Variants in TRPM3 observed in about 807,000 individuals in gnomAD.
TRPM3 encodes transient receptor potential cation channel subfamily M member 3.
TRPM3 carries 77 observed loss-of-function variants against 181.2 expected under a neutral mutation model. The ratio of observed to expected loss-of-function variants is 0.42; its 90% CI spans 0.35 to 0.51. TRPM3 has a LOEUF of 0.51. TRPM3 is among the 20% of genes least tolerant of loss of function. The pLI, the probability that TRPM3 is intolerant of heterozygous loss-of-function variation, is 0.01. For synonymous variants in TRPM3, 745 were observed against 796.4 expected (o/e 0.94, Z 1.09); for missense variants, 1,759 against 2,196.7 (o/e 0.80, Z 3.98).
At chr9:71,400,789 CT>C (rs553371851) in intron 1 of TRPM3, among the ~76,000 whole-genome samples, 1,387 of 132,776 alleles carry the variant, frequency 0.01, 13 homozygotes, top group African/African-American at 0.034. Context: ...TTTACTAGTT[CT>C]TTTTTTTTTT....
intron 9 of TRPM3, among the ~76,000 whole-genome samples, chr9:70,653,356 T>C (rs1278823826): frequency 6.6e-6 from 1 of 152,004 alleles, no homozygotes; most frequent in African/African-American, 2.4e-5. Context: ...GGATATGGCT[T>C]AAATGATGAG....
chr9:70,612,769 A>T (rs532416248), intron 18 of TRPM3, among the ~76,000 whole-genome samples: 1 of 152,352 alleles, frequency 6.6e-6, no homozygotes, highest in East Asian at 1.9e-4. Context: ...ACCTCAAGAA[A>T]CTGAGGTTAC....
At chr9:70,978,548 GCTT>G (rs1198549377) in intron 1 of TRPM3, among the ~76,000 whole-genome samples, 1 of 152,124 alleles carries the variant, frequency 6.6e-6, no homozygotes. Flanking sequence ...TGCTTTTAGT[GCTT>G]CAGAGATATC....
At chr9:70,559,115 C>A (rs150729030) in intron 22 of TRPM3, among the ~76,000 whole-genome samples, 254 of 152,266 alleles carry the variant, frequency 1.7e-3, no homozygotes, top group African/African-American at 5.8e-3. Flanking sequence ...CAATGACATC[C>A]CTTGCTGGAA....
At chr9:71,094,741 G>A (rs11142686) in intron 1 of TRPM3, among the ~76,000 whole-genome samples, 47,574 of 152,022 alleles carry the variant, frequency 0.31, 8,449 homozygotes, top group Middle Eastern at 0.41. Context: ...GCCTGGCACA[G>A]TGACTACTCT....
At position 71,143,605 on chromosome 9, in the gene TRPM3, T is replaced by C. The variant is rs540870851; in HGVS notation, c.184-279094A>G. Among the ~76,000 whole-genome samples the C allele has an allele frequency of 5.3e-5, 8 of 152,264 alleles. No individual in the cohort carries two copies. The East Asian group carries it at 1.5e-3, about 29-fold the overall frequency. On this transcript the variant is annotated intron_variant, in intron 1 of 24. Transcript: ENST00000357533. ...AGTCTATCATTGACAGGCATTTGGG[T>C]TGATTCTATGTGTTTGCTATTGTGA...
At chr9:70,947,476 T>G (rs955924809) in intron 1 of TRPM3, among the ~76,000 whole-genome samples, 3 of 151,946 alleles carry the variant, frequency 2.0e-5, no homozygotes, top group African/African-American at 7.2e-5. Flanking sequence ...TATTTTGTAT[T>G]CACTTTTTTT....
intron 1 of TRPM3, among the ~76,000 whole-genome samples, chr9:71,132,776 T>C (rs1039521661): frequency 6.6e-6 from 1 of 152,216 alleles, no homozygotes; most frequent in African/African-American, 2.4e-5. Context: ...TTAAAAATTA[T>C]ACTTCATATA....
chr9:70,806,732 AG>A (rs2090782190), intron 6 of TRPM3, among the ~76,000 whole-genome samples: 1 of 151,978 alleles, frequency 6.6e-6, no homozygotes, highest in African/African-American at 2.4e-5. Flanking sequence ...AAAAGAAAAA[AG>A]TTTTTATTCT....
rs767227776 is a variant in TRPM3 at position 70,619,032 on chromosome 9, G to A, written c.2193C>T (p.Ala731=). The change falls in exon 17 of 26, where the codon GCC becomes GCT. Residue 731 remains alanine (A), a synonymous_variant. Transcript: ENST00000677713. Reference sequence around the variant, plus strand: ...TCAGCTCATACGTCAGCAGTTTCATGGCCAGCTGTTCGTCCTGCTTGTAGG... The same window carrying A: ...TCAGCTCATACGTCAGCAGTTTCATAGCCAGCTGTTCGTCCTGCTTGTAGG... ...DQSYKQDEQL[A]MKLLTYELKN... is the part of the protein sequence containing the mutation. 2 of 1,614,182 alleles carry A rather than the reference G, an allele frequency of 1.2e-6. No individual in the cohort carries two copies. The highest frequency in any genetic ancestry group is 1.7e-6 in the Non-Finnish European group (2 of 1,180,030).
At chr9:71,040,286 T>C (rs1327559228) in intron 1 of TRPM3, among the ~76,000 whole-genome samples, 1 of 152,216 alleles carries the variant, frequency 6.6e-6, no homozygotes, top group Non-Finnish European at 1.5e-5. Context: ...TATTTCTCAA[T>C]ATTTTTAAAG....
intron 3 of TRPM3, among the ~76,000 whole-genome samples, chr9:70,850,294 T>C (rs1234531869): frequency 6.6e-6 from 1 of 152,092 alleles, no homozygotes; most frequent in South Asian, 2.1e-4. Context: ...ACAAGGAGCA[T>C]TCAGGCAGAA....
chr9:71,057,842 C>T (rs938444173), intron 1 of TRPM3, among the ~76,000 whole-genome samples: 7 of 151,984 alleles, frequency 4.6e-5, no homozygotes, highest in Non-Finnish European at 1.0e-4. Flanking sequence ...AAAATAGACT[C>T]AAATTTTTAC....
chr9:70,989,961 T>C (rs1308542786), intron 1 of TRPM3, among the ~76,000 whole-genome samples: 1 of 152,154 alleles, frequency 6.6e-6, no homozygotes, highest in Non-Finnish European at 1.5e-5. Context: ...GAGGGCACCT[T>C]ATGTGTGTTA....
intron 9 of TRPM3, among the ~76,000 whole-genome samples, chr9:70,655,861 A>G (rs1488131723): frequency 2.7e-5 from 3 of 110,830 alleles, no homozygotes; most frequent in Non-Finnish European, 6.6e-5. Context: ...AGTCTAAGGT[A>G]GGAAAAAAAG....
chr9:71,082,683 C>A (rs1054059536), intron 1 of TRPM3, among the ~76,000 whole-genome samples: 1 of 152,134 alleles, frequency 6.6e-6, no homozygotes, highest in African/African-American at 2.4e-5. Context: ...TTATCTCACA[C>A]AGCCTTATAT....
At chr9:71,210,774 A>G (rs981160930) in intron 1 of TRPM3, among the ~76,000 whole-genome samples, 1 of 152,216 alleles carries the variant, frequency 6.6e-6, no homozygotes, top group East Asian at 1.9e-4. Flanking sequence ...TCTGCTTCTT[A>G]CAATTCGGGA....
chr9:70,787,874 C>A (rs7350298), intron 6 of TRPM3, among the ~76,000 whole-genome samples: 36,805 of 146,268 alleles, frequency 0.25, 4,794 homozygotes, highest in Middle Eastern at 0.35. Context: ...CACATTATCT[C>A]TAACAACAAT....
rs531816782 is a variant in TRPM3 at position 71,274,651 on chromosome 9, G to A, written c.183+172002C>T. Among the ~76,000 whole-genome samples, 3 of 152,304 alleles carry A rather than the reference G, an allele frequency of 2.0e-5. No individual in the cohort carries two copies. The South Asian group carries it at 6.2e-4, about 32-fold the overall frequency. ...CCAGCAAATGCTCACCTAAAATTCT[G>A]AGGATGCTTTCTGCACTAAAATAAG... On this transcript the variant is annotated intron_variant, in intron 1 of 24. Coordinates refer to the TRPM3 transcript ENST00000357533.
Sources: gnomAD v4.1 joint callset for allele counts (sites outside exome capture counted in the v4.1 genomes callset) on GRCh38, gnomAD v4.1.1 for gene constraint, MANE v1.5 for transcripts, NCBI Gene and HGNC (gene_info 2026-07-23, HGNC 2026-07-21) for gene names.